ROM1: variants seen among roughly 807,000 people sequenced by gnomAD.
The protein encoded by ROM1 is rod outer segment membrane protein 1.
A neutral mutation model predicts 23.0 loss-of-function variants in ROM1; 17 were observed. The observed-to-expected ratio is 0.74, with a 90% CI of 0.51 to 1.11. The LOEUF is 1.11. Ranked by LOEUF, ROM1 falls within the 50% of genes least tolerant of loss-of-function variation. The pLI, the probability that ROM1 is intolerant of heterozygous loss-of-function variation, is 0.00. For synonymous variants in ROM1, 200 were observed against 206.5 expected, an observed-to-expected ratio of 0.97 and a Z score of 0.27; for missense variants, 436 against 439.7, an observed-to-expected ratio of 0.99 and a Z score of 0.08.
In ROM1 at chr11:62,614,919, T is replaced by TG. The variant is rs1304608859; in HGVS notation, c.*86dup. 2 of 1,237,658 alleles carry TG rather than the reference T, an allele frequency of 1.6e-6. No individual in the cohort carries two copies. The highest frequency in any genetic ancestry group is 1.5e-5 in the African/African-American group (1 of 67,302). 76.7% of individuals were successfully genotyped at this position (1,237,658 alleles called of 1,614,324 possible). On this transcript the variant is annotated 3_prime_UTR_variant, in exon 3 of 3. Transcript: ENST00000278833. ...ACAACTCCTTACCAAGGCTCCAGGT[T>TG]GGGGGGATCGTAGGATTAGAGGGGC... is the stretch of plus-strand genomic sequence containing the variant.
intron 2 of ROM1, 40 bp from the exon 3 acceptor site, chr11:62,614,581 G>T (rs201500167): frequency 1.2e-6 from 2 of 1,613,940 alleles, no homozygotes; most frequent in Non-Finnish European, 8.5e-7. Flanking sequence ...TCTTGGAACC[G>T]CTGACTCTCC....
At chr11:62,613,949 C>T (rs1015550786) in intron 1 of ROM1, 78 bp downstream of exon 1, 5 of 1,603,040 alleles carry the variant, frequency 3.1e-6, no homozygotes, top group African/African-American at 1.3e-5. Flanking sequence ...ATCCCCACCT[C>T]GCTCAGAGGG....
chr11:62,615,094 C>T lies in ROM1; in HGVS notation c.*255C>T, dbSNP rs147684283. The T allele has an allele frequency of 9.6e-5, 51 of 532,992 alleles. 1 individual carries two copies. In the East Asian group the frequency reaches 1.6e-3, roughly 16 times the overall value. The allele number at this position is 532,992 out of a possible 1,614,324, so 33.0% of individuals were successfully genotyped here. ...GCCTGGAGGCTGATTCTGATATAGA[C>T]TCAATAAAGTTTTTGGATGGAAGCA... is the stretch of plus-strand genomic sequence containing the variant. On this transcript the variant is annotated 3_prime_UTR_variant, in exon 3 of 3. Transcript: ENST00000278833.
At position 62,613,426 on chromosome 11, in the gene ROM1, C is replaced by G. The variant is rs1942937951; in HGVS notation, c.145C>G (p.Leu49Val). ...GCACCTCCTGGTCCAGCTAAGGCAC[C>G]TTGGCACCTTCCTGGCTCCCTCCTG... ...SGHLLVQLRHLGTFLAPSCQF... is the reference protein window; with the variant it reads ...SGHLLVQLRHVGTFLAPSCQF... The change falls in exon 1 of 3, where the codon CTT becomes GTT. Residue 49 changes from leucine to valine, a missense_variant. By Grantham distance (32) the Leu-to-Val change is conservative. Coordinates refer to ENST00000278833, the MANE Select transcript of ROM1 (RefSeq NM_000327.4). 1.2e-6 allele frequency: 2 copies of G among 1,613,306 alleles called. No individual in the cohort carries two copies. Among genetic ancestry groups the G allele is most frequent in the Non-Finnish European group, 1.7e-6 (2 of 1,179,638 alleles).
rs2134422115 is a variant in ROM1 at position 62,613,742 on chromosome 11, A to G, written c.461A>G (p.Gln154Arg). The G allele has an allele frequency of 6.2e-7, 1 of 1,614,180 alleles. No homozygotes were observed. The highest frequency in any genetic ancestry group is 8.5e-7 in the Non-Finnish European group (1 of 1,180,024). Residue 154 changes from glutamine (Q) to arginine (R), a missense_variant, in exon 1 of 3, where the codon CAG (glutamine) becomes CGG (arginine). Gln to Arg is a conservative substitution (Grantham distance 43). Coordinates refer to ENST00000278833, the MANE Select transcript of ROM1 (RefSeq NM_000327.4). ...GACACAGAGGTGCCTGGGCACTGTC[A>G]GGCCAAAAGGCTGGTGGATGAGCTG... ...YKDTEVPGHC[Q>R]AKRLVDELQL... is the part of the protein sequence containing the mutation.
rs139654544 is a variant in ROM1 at position 62,613,884 on chromosome 11, C to A, written c.590+13C>A. Reference sequence around the variant, plus strand: ...GGGATGTGGCTGAGTGAGTGATTTGCGTCTCCCTTCCTCCTCCTCCTCCTC... The same window carrying A: ...GGGATGTGGCTGAGTGAGTGATTTGAGTCTCCCTTCCTCCTCCTCCTCCTC... On this transcript the variant is annotated intron_variant, in intron 1 of 2. Transcript: ENST00000278833. 11 of 1,613,500 alleles carry A rather than the reference C, an allele frequency of 6.8e-6. No individual in the cohort carries two copies. In the East Asian group the frequency reaches 2.0e-4, roughly 29 times the overall value.
In ROM1 at chr11:62,613,677, G is replaced by A. The variant is rs370599721; in HGVS notation, c.396G>A (p.Ala132=). ...CTTTGCCTGGGAGTCTGGATGAGGCGCTGGAGGAGGGCCTGGTGACTGCCT... is the reference window on the plus strand; with the variant it reads ...CTTTGCCTGGGAGTCTGGATGAGGCACTGGAGGAGGGCCTGGTGACTGCCT... ...ALALPGSLDE[A]LEEGLVTALA... The change falls in exon 1 of 3, where the codon GCG becomes GCA. Residue 132 remains alanine, a synonymous_variant. Coordinates refer to ENST00000278833, the MANE Select transcript of ROM1 (RefSeq NM_000327.4). 22 of 1,614,012 alleles carry A rather than the reference G, an allele frequency of 1.4e-5. No homozygotes were observed. Among genetic ancestry groups the A allele is most frequent in the African/African-American group, 1.2e-4 (9 of 74,936 alleles).
At position 62,614,866 on chromosome 11, in the gene ROM1, G is replaced by C. The variant is rs372366064; in HGVS notation, c.*27G>C. The C allele has an allele frequency of 5.0e-5, 79 of 1,582,628 alleles. No individual in the cohort carries two copies. The African/African-American group carries it at 9.5e-4, about 19-fold the overall frequency. On this transcript the variant is annotated 3_prime_UTR_variant, in exon 3 of 3. Coordinates refer to ENST00000278833, the MANE Select transcript of ROM1 (RefSeq NM_000327.4). ...GGCCTGGAGCTTGGGGTGAGGAAGA[G>C]GGAGGGATGGACAAGTCTGAAAACC...
chr11:62,613,640 G>A lies in ROM1; in HGVS notation c.359G>A (p.Gly120Glu), dbSNP rs772690363. The change falls in exon 1 of 3, where the codon GGG (glycine) becomes GAG (glutamate). Residue 120 changes from glycine (G) to glutamate (E), a missense_variant. By Grantham distance (98) the Gly-to-Glu change is moderately conservative. Transcript: ENST00000278833. ...GGGGGGCTCCTGGTCGTCGGCCTCG[G>A]GCTAGCCCTGGCTTTGCCTGGGAGT... is the stretch of plus-strand genomic sequence containing the variant. ...GGGGLLVVGLGLALALPGSLD... is the reference protein window; with the variant it reads ...GGGGLLVVGLELALALPGSLD... 6.2e-7 allele frequency: 1 copy of A among 1,613,826 alleles called. No homozygotes were observed. Among genetic ancestry groups the A allele is most frequent in the Non-Finnish European group, 8.5e-7 (1 of 1,179,886 alleles).
At chr11:62,614,210 A>G in intron 1 of ROM1, 48 bp from the exon 2 acceptor site, 1 of 1,610,332 alleles carries the variant, frequency 6.2e-7, no homozygotes, top group South Asian at 1.1e-5. Context: ...TCCCTCCCCC[A>G]GGCCTCTATC....
intron 1 of ROM1, 82 bp from the exon 2 acceptor site, chr11:62,614,176 C>G: frequency 1.3e-6 from 2 of 1,531,856 alleles, no homozygotes; most frequent in South Asian, 2.2e-5. Context: ...TTCTTTTTCC[C>G]TTCTGAACAC....
Position 62,613,439 on chromosome 11 carries a change from T to A in ROM1, c.158T>A (p.Leu53Gln), listed in dbSNP as rs1942938848. The change falls in exon 1 of 3, where the codon CTG becomes CAG. Residue 53 changes from leucine to glutamine, a missense_variant. Transcript: ENST00000278833. ...LVQLRHLGTF[L>Q]APSCQFPVLP... is the part of the protein sequence containing the mutation. ...CAGCTAAGGCACCTTGGCACCTTCCTGGCTCCCTCCTGTCAGTTCCCTGTC... is the reference window on the plus strand; with the variant it reads ...CAGCTAAGGCACCTTGGCACCTTCCAGGCTCCCTCCTGTCAGTTCCCTGTC... 3.7e-6 allele frequency: 6 copies of A among 1,613,104 alleles called. No individual in the cohort carries two copies. Among genetic ancestry groups the A allele is most frequent in the Non-Finnish European group, 5.1e-6 (6 of 1,179,602 alleles).
In ROM1 at chr11:62,614,272, A is replaced by T; in HGVS notation, c.605A>T (p.Asn202Ile). ...DRDVADRIQS[N>I]VEGLYLTDGV... ...TCCCTTTGCAGCCGGATCCAGAGCA[A>T]TGTAGAAGGCCTATACCTGACTGAT... Residue 202 changes from asparagine (N) to isoleucine (I), a missense_variant, in exon 2 of 3, where the codon AAT (asparagine) becomes ATT (isoleucine). By Grantham distance (149) the Asn-to-Ile change is moderately radical (BLOSUM62 -3). Transcript: ENST00000278833. The T allele has an allele frequency of 6.2e-7, 1 of 1,614,012 alleles. No homozygotes were observed. The highest frequency in any genetic ancestry group is 8.5e-7 in the Non-Finnish European group (1 of 1,179,974).
In ROM1 at chr11:62,614,366, C is replaced by G; in HGVS notation, c.699C>G (p.Ser233=). The change falls in exon 2 of 3, where the codon TCC becomes TCG. Residue 233 remains serine (S), a synonymous_variant. Transcript: ENST00000278833. ...GCCTGCAAAACCGTCTTTCAGACTC[C>G]TACGCCCACCCCCTGTTCGATCCCC... The part of the protein sequence containing the change: ...RPCLQNRLSD[S]YAHPLFDPRQ... The G allele has an allele frequency of 1.2e-6, 2 of 1,614,170 alleles. No homozygotes were observed. The highest frequency in any genetic ancestry group is 1.7e-6 in the Non-Finnish European group (2 of 1,180,026).
rs748027172 is a variant in ROM1, at chr11:62,614,706, G to A, written c.923G>A (p.Gly308Asp). The change falls in exon 3 of 3, where the codon GGC (glycine) becomes GAC (aspartate). Residue 308 changes from glycine (G) to aspartate (D), a missense_variant. Transcript: ENST00000278833. ...GVIDAGGETQ[G>D]YLFPSGLKDM... ...ATTGATGCGGGAGGAGAGACCCAGG[G>A]CTATCTCTTTCCCAGTGGGCTGAAA... The A allele has an allele frequency of 6.2e-7, 1 of 1,614,200 alleles. No individual in the cohort carries two copies. The highest frequency in any genetic ancestry group is 8.5e-7 in the Non-Finnish European group (1 of 1,180,030).
In ROM1 at chr11:62,615,079, T is replaced by C; in HGVS notation, c.*240T>C. 1.8e-6 allele frequency: 1 copy of C among 565,194 alleles called. No individual in the cohort carries two copies. The highest frequency in any genetic ancestry group is 3.0e-5 in the East Asian group (1 of 33,524). 35.0% of individuals were successfully genotyped at this position (565,194 alleles called of 1,614,324 possible). ...AAGTGACATGAGAAGGCCTGGAGGC[T>C]GATTCTGATATAGACTCAATAAAGT... On this transcript the variant is annotated 3_prime_UTR_variant, in exon 3 of 3. Transcript: ENST00000278833.
rs1449594165 is a variant in ROM1 at position 62,614,717 on chromosome 11, C to T, written c.934C>T (p.Pro312Ser). The change falls in exon 3 of 3, where the codon CCC (proline) becomes TCC (serine). Residue 312 changes from proline to serine, a missense_variant. Pro to Ser is a moderately conservative substitution (Grantham distance 74, BLOSUM62 -1). Coordinates refer to ENST00000278833, the MANE Select transcript of ROM1 (RefSeq NM_000327.4). ...AGGAGAGACCCAGGGCTATCTCTTT[C>T]CCAGTGGGCTGAAAGATATGCTGAA... is the stretch of plus-strand genomic sequence containing the variant. Reference protein sequence around the residue: ...AGGETQGYLFPSGLKDMLKTA... With the variant: ...AGGETQGYLFSSGLKDMLKTA... 3 of 1,614,230 alleles carry T rather than the reference C, an allele frequency of 1.9e-6. No individual in the cohort carries two copies. The highest frequency in any genetic ancestry group is 2.5e-6 in the Non-Finnish European group (3 of 1,180,032).
Position 62,614,617 on chromosome 11 carries a change from A to T in ROM1, c.838-4A>T. On this transcript the variant is annotated splice_polypyrimidine_tract_variant and splice_region_variant and intron_variant, in intron 2 of 2. Transcript: ENST00000278833. The stretch of plus-strand genomic sequence containing the variant: ...CTGACTCTTTCCCCTTGCTTCCCCC[A>T]CAGGCTCTGGTGCTCCTTGGCCTGC... The T allele has an allele frequency of 6.2e-7, 1 of 1,614,070 alleles. No homozygotes were observed. Among genetic ancestry groups the T allele is most frequent in the Non-Finnish European group, 8.5e-7 (1 of 1,179,996 alleles).
rs778618148 is a variant in ROM1, at chr11:62,614,775, G to A, written c.992G>A (p.Arg331Lys). The change falls in exon 3 of 3, where the codon AGG becomes AAG. Residue 331 changes from arginine (R) to lysine (K), a missense_variant. Coordinates refer to ENST00000278833, the MANE Select transcript of ROM1 (RefSeq NM_000327.4). Reference sequence around the variant, plus strand: ...TGGCTACAGGGAGGGGTTGCCTGCAGGCCAGCACCTGAGGAGGCCCCACCA... The same window carrying A: ...TGGCTACAGGGAGGGGTTGCCTGCAAGCCAGCACCTGAGGAGGCCCCACCA... Reference protein sequence around the residue: ...TAWLQGGVACRPAPEEAPPGE... With the variant: ...TAWLQGGVACKPAPEEAPPGE... 2 of 1,614,226 alleles carry A rather than the reference G, an allele frequency of 1.2e-6. No individual in the cohort carries two copies. The highest frequency in any genetic ancestry group is 8.5e-7 in the Non-Finnish European group (1 of 1,180,040).
Sources: gnomAD v4.1 joint callset for allele counts on GRCh38, gnomAD v4.1.1 for gene constraint, MANE v1.5 for transcripts, NCBI Gene and HGNC (gene_info 2026-07-23, HGNC 2026-07-21) for gene names.